The following GRHL2 variants were observed in gnomAD, a reference collection of about 807,000 sequenced individuals.
GRHL2 encodes grainyhead-like protein 2 homolog.
A neutral mutation model predicts 83.8 loss-of-function variants in GRHL2; 21 were observed. The ratio of observed to expected loss-of-function variants is 0.25; its 90% CI spans 0.18 to 0.36. The LOEUF is 0.36. GRHL2 is among the 10% of genes least tolerant of loss of function. The pLI, the probability that GRHL2 is intolerant of heterozygous loss-of-function variation, is 1.00. For missense variants in GRHL2, 623 were observed against 781.8 expected, an observed-to-expected ratio of 0.80 and a Z score of 2.42; for synonymous variants, 280 against 278.9, an observed-to-expected ratio of 1.00 and a Z score of -0.04.
chr8:101,641,696 G>A (rs1299457391), intron 12 of GRHL2, among the ~76,000 whole-genome samples: 1 of 152,104 alleles, frequency 6.6e-6, no homozygotes, highest in Non-Finnish European at 1.5e-5. Context: ...ATTGTGCCAG[G>A]GAGATGGAAA....
intron 8 of GRHL2, among the ~76,000 whole-genome samples, chr8:101,603,992 T>C (rs1812571862): frequency 7.1e-6 from 1 of 140,976 alleles, no homozygotes; most frequent in Admixed American, 7.4e-5. Flanking sequence ...GCCAGCTTTT[T>C]ACTTCCCCTG....
At chr8:101,629,728 GA>G (rs1226190672) in intron 9 of GRHL2, among the ~76,000 whole-genome samples, 2 of 151,862 alleles carry the variant, frequency 1.3e-5, no homozygotes, top group Admixed American at 6.6e-5. Context: ...ATGGACCCAA[GA>G]AAAAAATATT....
At chr8:101,590,072 T>C (rs1014614550) in intron 7 of GRHL2, among the ~76,000 whole-genome samples, 1 of 152,166 alleles carries the variant, frequency 6.6e-6, no homozygotes, top group African/African-American at 2.4e-5. Context: ...TTGTGAAGTA[T>C]GTATGTTTAG....
chr8:101,652,476 G>C (rs1159377951), intron 14 of GRHL2, among the ~76,000 whole-genome samples: 16 of 78,794 alleles, frequency 2.0e-4, no homozygotes, highest in South Asian at 4.5e-4. Flanking sequence ...TGGTGTGTGT[G>C]TGGTATGTGT....
chr8:101,537,554 TCTAA>T (rs1264090230), intron 1 of GRHL2, among the ~76,000 whole-genome samples: 1 of 152,214 alleles, frequency 6.6e-6, no homozygotes, highest in Non-Finnish European at 1.5e-5. Flanking sequence ...ACTACTACTA[TCTAA>T]CTATTATCTG....
intron 5 of GRHL2, 99 bp downstream of exon 5, chr8:101,570,493 T>C (rs1432900623): frequency 6.2e-6 from 6 of 974,488 alleles, no homozygotes; most frequent in Non-Finnish European, 1.0e-5. Context: ...TTTGTAAACT[T>C]GTACAGAACA....
At chr8:101,566,558 T>C (rs964466871) in intron 4 of GRHL2, among the ~76,000 whole-genome samples, 11 of 147,770 alleles carry the variant, frequency 7.4e-5, no homozygotes, top group African/African-American at 2.5e-4. Context: ...ATAATATTTA[T>C]GTTATAACTA....
intron 9 of GRHL2, among the ~76,000 whole-genome samples, chr8:101,626,136 T>A (rs1813074395): frequency 6.6e-6 from 1 of 152,064 alleles, no homozygotes; most frequent in Non-Finnish European, 1.5e-5. Context: ...CCACTTTGAC[T>A]TATCCTGTCA....
intron 5 of GRHL2, among the ~76,000 whole-genome samples, chr8:101,571,755 C>T (rs1482236759): frequency 1.3e-5 from 2 of 152,144 alleles, no homozygotes; most frequent in African/African-American, 4.8e-5. Context: ...TCAGGCTCCC[C>T]ACTCATCCTC....
chr8:101,616,950 T>G (rs1812869092), intron 8 of GRHL2, among the ~76,000 whole-genome samples: 1 of 152,212 alleles, frequency 6.6e-6, no homozygotes, highest in South Asian at 2.1e-4. Context: ...TGGTATATAT[T>G]TAAGACACAC....
At chr8:101,666,193 G>A (rs947271179) in intron 15 of GRHL2, among the ~76,000 whole-genome samples, 3 of 152,134 alleles carry the variant, frequency 2.0e-5, no homozygotes, top group African/African-American at 7.2e-5. Flanking sequence ...AAGAGCAGAG[G>A]CAATGCATTT....
intron 1 of GRHL2, among the ~76,000 whole-genome samples, chr8:101,494,408 G>A (rs1810051392): frequency 6.6e-6 from 1 of 152,174 alleles, no homozygotes; most frequent in South Asian, 2.1e-4. Flanking sequence ...ACAGCATACC[G>A]GAGGGGAAGA....
At chr8:101,505,618 A>G (rs528292768) in intron 1 of GRHL2, among the ~76,000 whole-genome samples, 2 of 149,680 alleles carry the variant, frequency 1.3e-5, no homozygotes, top group Non-Finnish European at 3.0e-5. Flanking sequence ...AAAGGCACCT[A>G]TCCTTACGGG....
intron 11 of GRHL2, among the ~76,000 whole-genome samples, chr8:101,635,211 C>T (rs899696876): frequency 6.6e-6 from 1 of 152,128 alleles, no homozygotes; most frequent in Non-Finnish European, 1.5e-5. Flanking sequence ...TTAAAATTCC[C>T]CAAGTAAGTT....
chr8:101,554,104 T>C (rs1167794353), intron 3 of GRHL2, among the ~76,000 whole-genome samples: 1 of 152,138 alleles, frequency 6.6e-6, no homozygotes, highest in African/African-American at 2.4e-5. Context: ...GACATTACAG[T>C]CTTCTGTGAT....
intron 1 of GRHL2, among the ~76,000 whole-genome samples, chr8:101,518,237 C>A (rs752816009): frequency 2.6e-5 from 4 of 152,112 alleles, no homozygotes; most frequent in Non-Finnish European, 5.9e-5. Flanking sequence ...GGCAAAAACC[C>A]GTTTCTACAA....
chr8:101,598,593 T>A (rs1241075129), intron 7 of GRHL2, among the ~76,000 whole-genome samples: 1 of 65,856 alleles, frequency 1.5e-5, no homozygotes, highest in African/African-American at 9.9e-5. Flanking sequence ...TTTTTTTTTT[T>A]TTTTTTTTTT....
chr8:101,652,949 A>G (rs762538567), intron 14 of GRHL2, among the ~76,000 whole-genome samples: 2 of 152,172 alleles, frequency 1.3e-5, no homozygotes. Flanking sequence ...ACTGTCCAAA[A>G]GGCAGAATGT....
At chr8:101,506,480 A>G (rs983885123) in intron 1 of GRHL2, among the ~76,000 whole-genome samples, 3 of 152,136 alleles carry the variant, frequency 2.0e-5, no homozygotes, top group Non-Finnish European at 4.4e-5. Flanking sequence ...GCCATTCTGC[A>G]TTTTCCACTT....
Sources: gnomAD v4.1 joint callset for allele counts (sites outside exome capture counted in the v4.1 genomes callset) on GRCh38, gnomAD v4.1.1 for gene constraint, MANE v1.5 for transcripts, NCBI Gene and HGNC (gene_info 2026-07-23, HGNC 2026-07-21) for gene names.